SCN4A: variants seen among roughly 807,000 people sequenced by gnomAD.
SCN4A encodes sodium voltage-gated channel alpha subunit 4.
SCN4A carries 83 observed loss-of-function variants against 162.0 expected under a neutral mutation model. That is an observed-to-expected ratio of 0.51 (90% CI 0.43 to 0.61). The LOEUF (loss-of-function observed/expected upper bound fraction) is 0.61, where lower values mean the gene tolerates loss of function less well. SCN4A is among the 20% of genes least tolerant of loss of function. The probability of loss-of-function intolerance (pLI) is 0.00; values close to 1 mark genes in which losing one functional copy is unlikely to be tolerated. For missense variants in SCN4A, 2,196 were observed against 2,462.5 expected (o/e 0.89, Z 2.29); for synonymous variants, 944 against 985.1 (o/e 0.96, Z 0.78).
intron 6 of SCN4A, among the ~76,000 whole-genome samples, chr17:63,967,309 C>T (rs1164888293): frequency 3.3e-5 from 5 of 152,064 alleles, no homozygotes; most frequent in East Asian, 1.9e-4. Flanking sequence ...TGCGTCACCA[C>T]GCCCGGCTAA....
chr17:63,945,097 G>T lies in SCN4A; in HGVS notation c.3721-37C>A, dbSNP rs1412567355. 20 of 1,595,628 alleles carry T rather than the reference G, an allele frequency of 1.3e-5. No individual in the cohort carries two copies. Among genetic ancestry groups the T allele is most frequent in the Non-Finnish European group, 1.7e-5 (20 of 1,164,650 alleles). On this transcript the variant is annotated intron_variant, in intron 19 of 23. Coordinates refer to ENST00000435607, the MANE Select transcript of SCN4A (RefSeq NM_000334.4). This position sits in a 1 kb window ranked among gnomAD's most constrained non-coding sequence, Gnocchi z 4.4. ...TGGTTGGGGAGTGAGCCGGGGGGCT[G>T]CTCCCTGCTTTCATCATCCATGAGT... is the stretch of plus-strand genomic sequence containing the variant.
At chr17:63,956,226 C>T (rs1909067450) in intron 13 of SCN4A, among the ~76,000 whole-genome samples, 1 of 152,194 alleles carries the variant, frequency 6.6e-6, no homozygotes, top group Non-Finnish European at 1.5e-5. Flanking sequence ...TGCATTTTCC[C>T]AATATCTGCA....
Position 63,941,335 on chromosome 17 carries a change from T to C in SCN4A, c.4947A>G (p.Glu1649=), listed in dbSNP as rs991443967. ...RLSDFVDTLQ[E]PLRIAKPNKI... Reference sequence around the variant, plus strand: ...TGTTGGGCTTGGCAATCCTCAGCGGTTCCTGCAGGGTGTCCACGAAGTCTG... The same window carrying C: ...TGTTGGGCTTGGCAATCCTCAGCGGCTCCTGCAGGGTGTCCACGAAGTCTG... Residue 1649 remains glutamate (E), a synonymous_variant, in exon 24 of 24, where the codon GAA becomes GAG. Transcript: ENST00000435607. This position sits in a 1 kb window ranked among gnomAD's most constrained non-coding sequence, Gnocchi z 6.2. The C allele has an allele frequency of 6.2e-7, 1 of 1,613,782 alleles. No individual in the cohort carries two copies. The highest frequency in any genetic ancestry group is 1.3e-5 in the African/African-American group (1 of 74,886).
intron 5 of SCN4A, among the ~76,000 whole-genome samples, chr17:63,970,378 A>G (rs4968680): frequency 0.3 from 45,780 of 152,106 alleles, 8,073 homozygotes; most frequent in Non-Finnish European, 0.4. Context: ...GGAAACTGAG[A>G]CATGGACAGG....
Position 63,951,409 on chromosome 17 carries a change from C to T in SCN4A, c.2853+15G>A, listed in dbSNP as rs745975989. ...ATTTGAAGCCGGGTCTGTCTGAGCC[C>T]CAGCCCCGGCTCACCTTGCTATCCT... On this transcript the variant is annotated intron_variant, in intron 14 of 23. Transcript: ENST00000435607. The surrounding 1 kb of genome is among the most constrained non-coding windows in gnomAD (Gnocchi z 4.5). 2.6e-6 allele frequency: 4 copies of T among 1,549,296 alleles called. No individual in the cohort carries two copies. The highest frequency in any genetic ancestry group is 2.7e-5 in the African/African-American group (2 of 73,242).
chr17:63,968,961 T>C (rs2144810970), intron 5 of SCN4A, among the ~76,000 whole-genome samples: 1 of 152,300 alleles, frequency 6.6e-6, no homozygotes, highest in East Asian at 1.9e-4. Context: ...TGCCTCAGCC[T>C]CCCAAGTAGC....
intron 6 of SCN4A, among the ~76,000 whole-genome samples, chr17:63,967,671 G>A (rs1180349804): frequency 6.6e-6 from 1 of 151,558 alleles, no homozygotes; most frequent in Non-Finnish European, 1.5e-5. Context: ...GGTGGCTCAC[G>A]CCTGTAATCC....
At chr17:63,962,818 GT>G (rs1909308918) in intron 10 of SCN4A, among the ~76,000 whole-genome samples, 1 of 152,150 alleles carries the variant, frequency 6.6e-6, no homozygotes. Context: ...GAACGGCAGG[GT>G]GGAGAGGCCT....
At position 63,941,586 on chromosome 17, in the gene SCN4A, C is replaced by T. The variant is rs1908533993; in HGVS notation, c.4696G>A (p.Gly1566Ser). 1 of 1,614,064 alleles carries T rather than the reference C, an allele frequency of 6.2e-7. No homozygotes were observed. Among genetic ancestry groups the T allele is most frequent in the African/African-American group, 1.3e-5 (1 of 74,998 alleles). ...NLENPGTSVK[G>S]DCGNPSIGIC... The stretch of plus-strand genomic sequence containing the variant: ...CCGATGGAGGGGTTGCCGCAGTCAC[C>T]CTTGACACTGGTGCCCGGGTTCTCC... The change falls in exon 24 of 24, where the codon GGT (glycine) becomes AGT (serine). Residue 1566 changes from glycine to serine, a missense_variant. Transcript: ENST00000435607. This position sits in a 1 kb window ranked among gnomAD's most constrained non-coding sequence, Gnocchi z 6.2.
At chr17:63,949,648 C>T (rs909772809) in intron 14 of SCN4A, 120 bp from the exon 15 acceptor site, 55 of 1,185,796 alleles carry the variant, frequency 4.6e-5, no homozygotes, top group Admixed American at 3.5e-4. Flanking sequence ...GGAGCAAACT[C>T]ATCCATTCAT....
At position 63,951,846 on chromosome 17, in the gene SCN4A, C is replaced by T; in HGVS notation, c.2431G>A (p.Ala811Thr). 1 of 1,566,774 alleles carries T rather than the reference C, an allele frequency of 6.4e-7. No homozygotes were observed. Among genetic ancestry groups the T allele is most frequent in the Admixed American group, 1.8e-5 (1 of 54,406 alleles). Reference protein sequence around the residue: ...LLSSFSADSLAASDEDGEMNN... With the variant: ...LLSSFSADSLTASDEDGEMNN... ...ATCTCGCCATCCTCATCCGAGGCTG[C>T]CAGACTGTCGGCGCTGAAGGAGCTC... Residue 811 changes from alanine to threonine, a missense_variant, in exon 14 of 24, where the codon GCA (alanine) becomes ACA (threonine). By Grantham distance (58) the Ala-to-Thr change is moderately conservative. Transcript: ENST00000435607. The surrounding 1 kb of genome is among the most constrained non-coding windows in gnomAD (Gnocchi z 4.5).
intron 8 of SCN4A, 133 bp downstream of exon 8, chr17:63,965,969 C>G: frequency 3.0e-6 from 2 of 660,848 alleles, no homozygotes; most frequent in African/African-American, 1.8e-5. Flanking sequence ...AAGGGCACTG[C>G]GGGAGTCCAT....
chr17:63,971,634 C>A, intron 4 of SCN4A, 88 bp downstream of exon 4: 1 of 1,235,160 alleles, frequency 8.1e-7, no homozygotes, highest in South Asian at 1.3e-5. Flanking sequence ...TCCCCTGCAG[C>A]CCTCAGCCCA....
At chr17:63,954,495 G>C (rs969310296) in intron 13 of SCN4A, among the ~76,000 whole-genome samples, 2 of 152,192 alleles carry the variant, frequency 1.3e-5, no homozygotes, top group African/African-American at 4.8e-5. Flanking sequence ...AGGCATGGGG[G>C]AAGGGAGGAG....
chr17:63,946,112 C>T (rs1046223257), intron 18 of SCN4A, among the ~76,000 whole-genome samples: 1 of 152,180 alleles, frequency 6.6e-6, no homozygotes, highest in African/African-American at 2.4e-5. Flanking sequence ...GTCACACAGC[C>T]CACCTGACCA....
At chr17:63,960,252 G>A (rs1216848973) in intron 11 of SCN4A, among the ~76,000 whole-genome samples, 3 of 152,264 alleles carry the variant, frequency 2.0e-5, no homozygotes, top group Non-Finnish European at 4.4e-5. Context: ...GCAGGGGGTG[G>A]GCAAGCGGGC....
At chr17:63,953,221 G>A (rs756023167) in intron 13 of SCN4A, among the ~76,000 whole-genome samples, 2 of 152,120 alleles carry the variant, frequency 1.3e-5, no homozygotes, top group Non-Finnish European at 2.9e-5. Context: ...TTAGCTGGGC[G>A]TGGTGGCATG....
At chr17:63,961,676 C>A in intron 10 of SCN4A, 1 of 521,686 alleles carries the variant, frequency 1.9e-6, no homozygotes. Context: ...CGGCTCCAAG[C>A]TCCACCGCCT....
intron 12 of SCN4A, among the ~76,000 whole-genome samples, chr17:63,958,387 T>C (rs901628010): frequency 1.3e-5 from 2 of 151,870 alleles, no homozygotes; most frequent in Non-Finnish European, 1.5e-5. Context: ...TATTTACAAG[T>C]GAAATTATAT....
Sources: allele counts gnomAD v4.1 joint callset (sites outside exome capture counted in the v4.1 genomes callset), GRCh38; gene constraint gnomAD v4.1.1; non-coding constraint Gnocchi (gnomAD v3.1); transcripts MANE v1.5; gene names NCBI Gene and HGNC (gene_info 2026-07-23, HGNC 2026-07-21).